Variants in SNTG1 observed in about 807,000 individuals in gnomAD.
SNTG1 encodes syntrophin gamma 1, also known as gamma-1-syntrophin.
SNTG1 carries 39 observed loss-of-function variants against 74.7 expected under a neutral mutation model. The ratio of observed to expected loss-of-function variants is 0.52; its 90% CI spans 0.40 to 0.68. SNTG1 has a LOEUF of 0.68. Among genes scored for constraint, SNTG1 ranks in the 30% least tolerant of loss-of-function variants. SNTG1 has a pLI of 0.00. For synonymous variants in SNTG1, 254 were observed against 217.1 expected (o/e 1.17, Z -1.49); for missense variants, 685 against 609.5 (o/e 1.12, Z -1.30).
intron 13 of SNTG1, among the ~76,000 whole-genome samples, chr8:50,651,441 A>G (rs1408969032): frequency 6.6e-6 from 1 of 152,108 alleles, no homozygotes; most frequent in South Asian, 2.1e-4. Context: ...AGTTCAAACT[A>G]TTTTTTAACT....
intron 2 of SNTG1, among the ~76,000 whole-genome samples, chr8:50,349,113 C>A (rs1443490572): frequency 6.6e-6 from 1 of 152,184 alleles, no homozygotes; most frequent in Non-Finnish European, 1.5e-5. Context: ...TCTTAACCAG[C>A]CAAATATCTT....
At chr8:50,276,941 T>C (rs1474270585) in intron 2 of SNTG1, among the ~76,000 whole-genome samples, 1 of 152,020 alleles carries the variant, frequency 6.6e-6, no homozygotes, top group East Asian at 1.9e-4. Context: ...ACCATTCTCC[T>C]GCCTCAGCCT....
intron 13 of SNTG1, among the ~76,000 whole-genome samples, chr8:50,648,986 G>T (rs1029639395): frequency 3.3e-5 from 5 of 151,912 alleles, no homozygotes; most frequent in Non-Finnish European, 5.9e-5. Flanking sequence ...ACTCTATATT[G>T]GTTTCTTTCA....
At chr8:50,029,801 A>T (rs761612352) in intron 1 of SNTG1, among the ~76,000 whole-genome samples, 1 of 152,180 alleles carries the variant, frequency 6.6e-6, no homozygotes, top group Non-Finnish European at 1.5e-5. Flanking sequence ...ATAGTGCTGC[A>T]ATAAACACAG....
At chr8:50,729,215 T>TG (rs1257286880) in intron 17 of SNTG1, among the ~76,000 whole-genome samples, 1 of 152,188 alleles carries the variant, frequency 6.6e-6, no homozygotes, top group Admixed American at 6.5e-5. Context: ...TGATTCCAGG[T>TG]GAATACATTA....
chr8:50,591,550 G>A (rs530563242), intron 13 of SNTG1, among the ~76,000 whole-genome samples: 1 of 151,994 alleles, frequency 6.6e-6, no homozygotes, highest in African/African-American at 2.4e-5. Context: ...TTTGTGTAAG[G>A]GCGACTATCC....
chr8:50,437,392 A>C (rs2093315444), intron 4 of SNTG1, among the ~76,000 whole-genome samples: 1 of 152,192 alleles, frequency 6.6e-6, no homozygotes, highest in Non-Finnish European at 1.5e-5. Flanking sequence ...TAAACAAGGA[A>C]GTTTTTAACC....
At chr8:50,185,087 T>C (rs2083333050) in intron 2 of SNTG1, among the ~76,000 whole-genome samples, 1 of 152,172 alleles carries the variant, frequency 6.6e-6, no homozygotes, top group Non-Finnish European at 1.5e-5. Context: ...AGAATCAGGT[T>C]CATATGGTTT....
chr8:50,245,171 A>T (rs1323996106), intron 2 of SNTG1, among the ~76,000 whole-genome samples: 1 of 152,120 alleles, frequency 6.6e-6, no homozygotes, highest in Non-Finnish European at 1.5e-5. Context: ...AAATGGCCTA[A>T]GAAGTTAACA....
At chr8:49,929,444 C>T (rs1807349849) in intron 1 of SNTG1, among the ~76,000 whole-genome samples, 1 of 152,178 alleles carries the variant, frequency 6.6e-6, no homozygotes, top group Admixed American at 6.5e-5. Context: ...TTATGGGTTC[C>T]CCGAAGAATG....
intron 5 of SNTG1, among the ~76,000 whole-genome samples, chr8:50,443,038 T>C (rs2093373064): frequency 1.3e-5 from 2 of 152,204 alleles, no homozygotes; most frequent in Admixed American, 6.5e-5. Context: ...TTGGCATTTA[T>C]ATAAATAACT....
At chr8:50,579,366 G>A (rs921025530) in intron 12 of SNTG1, among the ~76,000 whole-genome samples, 1 of 152,186 alleles carries the variant, frequency 6.6e-6, no homozygotes, top group Non-Finnish European at 1.5e-5. Context: ...GTCTGACAAT[G>A]CAATGGAAAA....
intron 13 of SNTG1, among the ~76,000 whole-genome samples, chr8:50,619,423 G>A (rs1224389847): frequency 6.6e-6 from 1 of 151,876 alleles, no homozygotes; most frequent in African/African-American, 2.4e-5. Context: ...TCATCTCTGG[G>A]CCATTATAAG....
chr8:50,685,014 A>C (rs1563739901), intron 15 of SNTG1, among the ~76,000 whole-genome samples: 1 of 151,904 alleles, frequency 6.6e-6, no homozygotes, highest in Admixed American at 6.6e-5. Context: ...TACTTAAAAA[A>C]AAAATAGAGC....
At chr8:50,779,426 A>G (rs909091836) in intron 18 of SNTG1, among the ~76,000 whole-genome samples, 1 of 151,964 alleles carries the variant, frequency 6.6e-6, no homozygotes, top group African/African-American at 2.4e-5. Flanking sequence ...CAAGTCCCTT[A>G]TAAGGTGGAT....
intron 1 of SNTG1, among the ~76,000 whole-genome samples, chr8:49,969,381 T>C (rs983041258): frequency 7.1e-6 from 1 of 140,626 alleles, no homozygotes; most frequent in Non-Finnish European, 1.5e-5. Flanking sequence ...TTTTAATTCA[T>C]TTAATCTTTT....
At chr8:50,088,108 A>G (rs1345717611) in intron 1 of SNTG1, among the ~76,000 whole-genome samples, 1 of 150,848 alleles carries the variant, frequency 6.6e-6, no homozygotes, top group Non-Finnish European at 1.5e-5. Flanking sequence ...AAAGGACACG[A>G]ACTCATCATT....
At chr8:50,035,464 G>A (rs1818076336) in intron 1 of SNTG1, among the ~76,000 whole-genome samples, 1 of 152,096 alleles carries the variant, frequency 6.6e-6, no homozygotes, top group African/African-American at 2.4e-5. Context: ...TATTTTCTGG[G>A]TGTACATTTT....
At chr8:50,727,315 T>G (rs1253926696) in intron 17 of SNTG1, among the ~76,000 whole-genome samples, 2 of 152,130 alleles carry the variant, frequency 1.3e-5, no homozygotes, top group Non-Finnish European at 2.9e-5. Flanking sequence ...AAGATGAAAA[T>G]TCACTTCAAA....
Sources: allele counts gnomAD v4.1 joint callset (sites outside exome capture counted in the v4.1 genomes callset), GRCh38; gene constraint gnomAD v4.1.1; transcripts MANE v1.5; gene names NCBI Gene and HGNC (gene_info 2026-07-23, HGNC 2026-07-21).